Variants in NAV3 observed in about 807,000 individuals in gnomAD.
NAV3 encodes neuron navigator 3, also known as pore membrane and/or filament interacting like protein 1.
NAV3 carries 87 observed loss-of-function variants against 244.7 expected under a neutral mutation model. That is an observed-to-expected ratio of 0.36 (90% CI 0.30 to 0.42). The LOEUF (loss-of-function observed/expected upper bound fraction) is 0.42, where lower values mean the gene tolerates loss of function less well. Among genes scored for constraint, NAV3 ranks in the 20% least tolerant of loss-of-function variants. The pLI, the probability that NAV3 is intolerant of heterozygous loss-of-function variation, is 1.00. For missense variants in NAV3, 2,663 were observed against 2,893.3 expected (o/e 0.92, Z 1.83); for synonymous variants, 1,126 against 1,042.2 (o/e 1.08, Z -1.55).
intron 2 of NAV3, among the ~76,000 whole-genome samples, chr12:77,666,060 A>T (rs1292618976): frequency 6.6e-6 from 1 of 152,146 alleles, no homozygotes; most frequent in African/African-American, 2.4e-5. Flanking sequence ...TCTGTTAATC[A>T]TAATTTATAT....
intron 2 of NAV3, among the ~76,000 whole-genome samples, chr12:77,698,531 A>G (rs1255993031): frequency 6.6e-6 from 1 of 152,152 alleles, no homozygotes. Flanking sequence ...GTGTCAGCCA[A>G]GCAACTGGAG....
At chr12:77,573,519 T>G (rs1384209645) in intron 2 of NAV3, among the ~76,000 whole-genome samples, 4 of 152,178 alleles carry the variant, frequency 2.6e-5, no homozygotes, top group Non-Finnish European at 5.9e-5. Context: ...CAAATACTTG[T>G]GTTACAAATA....
intron 12 of NAV3, among the ~76,000 whole-genome samples, chr12:78,116,448 T>TA (rs1179595110): frequency 6.6e-6 from 1 of 152,126 alleles, no homozygotes; most frequent in African/African-American, 2.4e-5. Flanking sequence ...TTTTTAAGGA[T>TA]AAAAAAGTCA....
intron 2 of NAV3, among the ~76,000 whole-genome samples, chr12:77,642,104 C>T (rs1872439737): frequency 6.6e-6 from 1 of 152,036 alleles, no homozygotes; most frequent in African/African-American, 2.4e-5. Flanking sequence ...CTATGAGACA[C>T]TGCCCTTCAG....
chr12:77,680,756 C>T (rs1874414603), intron 2 of NAV3, among the ~76,000 whole-genome samples: 1 of 151,748 alleles, frequency 6.6e-6, no homozygotes, highest in African/African-American at 2.4e-5. Context: ...TCTCTATACA[C>T]ACGAGAATGG....
chr12:77,614,201 C>A (rs1871057702), intron 2 of NAV3, among the ~76,000 whole-genome samples: 2 of 151,154 alleles, frequency 1.3e-5, no homozygotes, highest in Non-Finnish European at 2.9e-5. Flanking sequence ...GGCCACTACC[C>A]ACCAGATGTT....
At chr12:77,764,526 A>T (rs1869643636) in intron 2 of NAV3, among the ~76,000 whole-genome samples, 1 of 152,232 alleles carries the variant, frequency 6.6e-6, no homozygotes. Flanking sequence ...CACTTTAATC[A>T]AGTTCCAAAA....
intron 4 of NAV3, 33 bp downstream of exon 4, chr12:77,966,334 G>A: frequency 2.0e-5 from 31 of 1,523,064 alleles, no homozygotes; most frequent in African/African-American, 2.8e-5. Flanking sequence ...TGTCACAAAT[G>A]GCATCAATGT....
intron 8 of NAV3, among the ~76,000 whole-genome samples, chr12:78,017,520 C>T (rs958630673): frequency 3.9e-5 from 6 of 152,052 alleles, no homozygotes; most frequent in Non-Finnish European, 7.4e-5. Flanking sequence ...AACATGATGA[C>T]CATGTTGTAA....
Position 78,171,424 on chromosome 12 carries a change from G to T in NAV3, c.4981+2558G>T, listed in dbSNP as rs541100825. Among the ~76,000 whole-genome samples, 409 of 151,714 alleles carry T rather than the reference G, an allele frequency of 2.7e-3. 2 individuals carry two copies. Among genetic ancestry groups the T allele is most frequent in the Non-Finnish European group, 4.2e-3 (286 of 67,734 alleles). On this transcript the variant is annotated intron_variant, in intron 24 of 39. Coordinates refer to ENST00000397909, the MANE Select transcript of NAV3 (RefSeq NM_001024383.2). ...TATATCTACAGAAATTGAAAAATTG[G>T]AATTCTTTTGCTCAGAAATGTGGGA...
intron 19 of NAV3, among the ~76,000 whole-genome samples, chr12:78,137,721 A>T (rs1179070663): frequency 6.6e-6 from 1 of 152,218 alleles, no homozygotes; most frequent in Non-Finnish European, 1.5e-5. Flanking sequence ...CACAAACCAG[A>T]AACATTATTT....
chr12:77,731,202 C>T (rs142051873), intron 2 of NAV3, among the ~76,000 whole-genome samples: 23 of 151,890 alleles, frequency 1.5e-4, no homozygotes, highest in African/African-American at 5.5e-4. Context: ...AGGGATAACA[C>T]CTGAATACCA....
At chr12:78,112,141 G>T in intron 12 of NAV3, among the ~76,000 whole-genome samples, 1 of 152,152 alleles carries the variant, frequency 6.6e-6, no homozygotes, top group Non-Finnish European at 1.5e-5. Flanking sequence ...CTTGAGGCCA[G>T]ATATCTGCCC....
At chr12:77,892,233 A>G (rs1884020639) in intron 1 of NAV3, among the ~76,000 whole-genome samples, 1 of 152,180 alleles carries the variant, frequency 6.6e-6, no homozygotes, top group Non-Finnish European at 1.5e-5. Context: ...AAGATGTTGA[A>G]GTTGTAAGAC....
chr12:78,188,100 A>G (rs1207044330), intron 31 of NAV3, 148 bp from the exon 32 acceptor site: 2 of 604,672 alleles, frequency 3.3e-6, no homozygotes, highest in Non-Finnish European at 5.8e-6. Flanking sequence ...TATATAATCC[A>G]CCATGTGTGT....
chr12:78,020,866 G>T (rs1453513641), intron 8 of NAV3, among the ~76,000 whole-genome samples: 1 of 152,056 alleles, frequency 6.6e-6, no homozygotes, highest in Non-Finnish European at 1.5e-5. Flanking sequence ...GTAGAAGTAA[G>T]GCAAATGAGA....
intron 9 of NAV3, among the ~76,000 whole-genome samples, chr12:78,028,432 C>T (rs1033376799): frequency 6.6e-6 from 1 of 152,164 alleles, no homozygotes; most frequent in African/African-American, 2.4e-5. Context: ...GAAAAACTGA[C>T]TCTGGAAAAA....
chr12:77,809,355 G>A (rs745432837), intron 2 of NAV3, among the ~76,000 whole-genome samples: 8 of 152,200 alleles, frequency 5.3e-5, no homozygotes, highest in African/African-American at 7.2e-5. Flanking sequence ...TGGGAAAAGC[G>A]TAGTATCTGG....
intron 5 of NAV3, among the ~76,000 whole-genome samples, chr12:77,970,997 A>T (rs1892953727): frequency 6.6e-6 from 1 of 152,092 alleles, no homozygotes; most frequent in Non-Finnish European, 1.5e-5. Flanking sequence ...TGTATCTTCC[A>T]TGTGAAATTT....
Sources: gnomAD v4.1 joint callset for allele counts (sites outside exome capture counted in the v4.1 genomes callset) on GRCh38, gnomAD v4.1.1 for gene constraint, MANE v1.5 for transcripts, NCBI Gene and HGNC (gene_info 2026-07-23, HGNC 2026-07-21) for gene names.